Variants in ALDH5A1 observed in about 807,000 individuals in gnomAD.
ALDH5A1 encodes the protein aldehyde dehydrogenase 5 family member A1.
Under a neutral mutation model 54.7 loss-of-function variants are expected in ALDH5A1, and 33 were observed. The observed-to-expected ratio is 0.60, with a 90% CI of 0.46 to 0.81. ALDH5A1 has a LOEUF of 0.81. Among genes scored for constraint, ALDH5A1 ranks in the 30% least tolerant of loss-of-function variants. The pLI is 0.00. For missense variants in ALDH5A1, 657 were observed against 711.0 expected (o/e 0.92, Z 0.86); for synonymous variants, 294 against 292.7 (o/e 1.00, Z -0.05).
chr6:24,536,630 TTC>T lies in ALDH5A1; in HGVS notation c.*2921_*2922del. ...ACTTTTCTGGCATAGCTACCGTGAG[TTC>T]TCAGCAGGAACTTCCCAGCGATGAT... On this transcript the variant is annotated 3_prime_UTR_variant, in exon 10 of 10. Transcript: ENST00000357578. 6.6e-6 allele frequency: 1 copy of T among 152,306 alleles called. No homozygotes were observed. Among genetic ancestry groups the T allele is most frequent in the African/African-American group, 2.4e-5 (1 of 41,564 alleles). 9.4% of individuals were successfully genotyped at this position (152,306 alleles called of 1,614,324 possible). A position where few individuals can be genotyped will look rare whatever the true frequency, so the allele number is the denominator to read the frequency against.
Position 24,509,821 on chromosome 6 carries a change from G to A in ALDH5A1, c.726+4836G>A, listed in dbSNP as rs1256989048. Reference sequence around the variant, plus strand: ...TTTCATTTAGTTCTGCTCTGATCTTGGTTATTTCCTTTCTTCTGCTGGGTT... The same window carrying A: ...TTTCATTTAGTTCTGCTCTGATCTTAGTTATTTCCTTTCTTCTGCTGGGTT... On this transcript the variant is annotated intron_variant, in intron 4 of 9. Transcript: ENST00000357578. The surrounding 1 kb of genome is among the most constrained non-coding windows in gnomAD (Gnocchi z 4.7). Among the ~76,000 whole-genome samples the A allele has an allele frequency of 6.6e-6, 1 of 151,784 alleles. No individual in the cohort carries two copies. The highest frequency in any genetic ancestry group is 1.5e-5 in the Non-Finnish European group (1 of 67,932).
chr6:24,504,086 CT>C (rs766736934), intron 3 of ALDH5A1, among the ~76,000 whole-genome samples: 12 of 152,136 alleles, frequency 7.9e-5, no homozygotes, highest in Non-Finnish European at 1.5e-4. Context: ...CAGAATCCCC[CT>C]GATTGCCTAG....
At chr6:24,502,225 T>G (rs1450984420) in intron 1 of ALDH5A1, among the ~76,000 whole-genome samples, 1 of 152,196 alleles carries the variant, frequency 6.6e-6, no homozygotes, top group Non-Finnish European at 1.5e-5. Flanking sequence ...TGCCACTTTG[T>G]TCTTTTCAGG....
intron 1 of ALDH5A1, among the ~76,000 whole-genome samples, chr6:24,499,487 C>CT (rs1764778567): frequency 6.6e-6 from 1 of 151,412 alleles, no homozygotes; most frequent in Non-Finnish European, 1.5e-5. Flanking sequence ...CCATTTCTTC[C>CT]TTTTTTCTTT....
chr6:24,511,987 A>T (rs7749261), intron 4 of ALDH5A1: 8,508 of 417,606 alleles, frequency 0.02, 477 homozygotes, highest in African/African-American at 0.13. Flanking sequence ...TCTAGGGCTG[A>T]AGGCTGTTGT....
chr6:24,503,461 G>T, intron 3 of ALDH5A1, 28 bp downstream of exon 3: 1 of 1,607,250 alleles, frequency 6.2e-7, no homozygotes, highest in South Asian at 1.1e-5. Context: ...CAAGATCCTA[G>T]GGTGGGAGAT....
rs1303338310 is a variant in ALDH5A1 at position 24,500,562 on chromosome 6, G to A, written c.355-1961G>A. On this transcript the variant is annotated intron_variant, in intron 1 of 9. Transcript: ENST00000357578. ...TTTGGGAGGCCAAGGCAGGAGGATC[G>A]CTTAAAGCCAGGAGTCTGAGGTTGC... Among the ~76,000 whole-genome samples the A allele has an allele frequency of 4.0e-5, 6 of 151,864 alleles. No individual in the cohort carries two copies. The East Asian group carries it at 7.7e-4, about 19-fold the overall frequency.
intron 2 of ALDH5A1, 131 bp downstream of exon 2, chr6:24,502,737 C>G (rs1759229065): frequency 1.4e-6 from 1 of 723,580 alleles, no homozygotes; most frequent in Non-Finnish European, 2.5e-6. Flanking sequence ...CTCTACTGAT[C>G]AAATACCAAA....
rs201790174 is a variant in ALDH5A1 at position 24,536,256 on chromosome 6, C to T, written c.*2544C>T. 6 of 152,240 alleles carry T rather than the reference C, an allele frequency of 3.9e-5. No homozygotes were observed. The East Asian group carries it at 1.2e-3, about 29-fold the overall frequency. 9.4% of individuals were successfully genotyped at this position (152,240 alleles called of 1,614,324 possible). The stretch of plus-strand genomic sequence containing the variant: ...TGGCCTGCCACCTGTTTTTATACAA[C>T]CTGTGAGCTAAGAATGGTTTATATG... On this transcript the variant is annotated 3_prime_UTR_variant, in exon 10 of 10. Transcript: ENST00000357578.
intron 3 of ALDH5A1, 142 bp downstream of exon 3, chr6:24,503,575 T>G (rs1017304034): frequency 2.2e-5 from 22 of 997,510 alleles, no homozygotes; most frequent in Non-Finnish European, 3.3e-5. Context: ...TTGCTGGATG[T>G]GGAAGTGTGT....
intron 1 of ALDH5A1, among the ~76,000 whole-genome samples, chr6:24,498,752 T>A (rs1410985325): frequency 6.6e-6 from 1 of 151,970 alleles, no homozygotes; most frequent in Non-Finnish European, 1.5e-5. Flanking sequence ...TCACCTGAGG[T>A]CAGGAGTTCG....
chr6:24,525,280 G>C (rs911877434), intron 7 of ALDH5A1, among the ~76,000 whole-genome samples: 13 of 152,166 alleles, frequency 8.5e-5, no homozygotes, highest in Non-Finnish European at 1.9e-4. Flanking sequence ...CATCCTAGCC[G>C]ATGGGGATTA....
At chr6:24,528,854 T>A (rs1171527609) in intron 8 of ALDH5A1, among the ~76,000 whole-genome samples, 1 of 151,544 alleles carries the variant, frequency 6.6e-6, no homozygotes, top group African/African-American at 2.4e-5. Flanking sequence ...TTTTTTGTAA[T>A]CTAGTAGAGA....
intron 5 of ALDH5A1, among the ~76,000 whole-genome samples, chr6:24,517,471 A>G (rs1348186418): frequency 1.3e-5 from 2 of 152,242 alleles, no homozygotes; most frequent in African/African-American, 4.8e-5. Flanking sequence ...TTACAATGCA[A>G]ACTTATCCGC....
chr6:24,504,010 C>T (rs2760116), intron 3 of ALDH5A1, among the ~76,000 whole-genome samples: 44,502 of 151,928 alleles, frequency 0.29, 6,744 homozygotes, highest in Non-Finnish European at 0.31. Flanking sequence ...CCATATTAAC[C>T]TCTCTCCTGT....
chr6:24,501,887 A>G (rs1344760213), intron 1 of ALDH5A1, among the ~76,000 whole-genome samples: 1 of 147,912 alleles, frequency 6.8e-6, no homozygotes, highest in African/African-American at 2.6e-5. Context: ...ATATATATAT[A>G]TATATATATG....
chr6:24,527,974 T>A (rs1477283465), intron 7 of ALDH5A1, 23 bp from the exon 8 acceptor site: 4 of 1,612,092 alleles, frequency 2.5e-6, no homozygotes, highest in Non-Finnish European at 2.5e-6. Flanking sequence ...TGTGGAAAGC[T>A]TTTTTTCTTC....
chr6:24,505,292 TTTCCCA>T (rs551508105), intron 4 of ALDH5A1, among the ~76,000 whole-genome samples: 72 of 152,358 alleles, frequency 4.7e-4, no homozygotes, highest in African/African-American at 1.4e-3. Context: ...AAACTTCTTA[TTTCCCA>T]TTCCCATTCC....
At chr6:24,513,607 C>T (rs546134077) in intron 4 of ALDH5A1, among the ~76,000 whole-genome samples, 99 of 146,558 alleles carry the variant, frequency 6.8e-4, no homozygotes, top group Middle Eastern at 7.0e-3. Flanking sequence ...TTTCATCACA[C>T]GGCTCCCAGG....
Sources: gnomAD v4.1 joint callset for allele counts (sites outside exome capture counted in the v4.1 genomes callset) on GRCh38, gnomAD v4.1.1 for gene constraint, Gnocchi (gnomAD v3.1) non-coding constraint, MANE v1.5 for transcripts, NCBI Gene and HGNC (gene_info 2026-07-23, HGNC 2026-07-21) for gene names.